Variants in PHF2 observed in about 807,000 individuals in gnomAD.
PHF2 encodes PHD finger protein 2, also known as lysine-specific demethylase PHF2.
PHF2 carries 27 observed loss-of-function variants against 120.5 expected under a neutral mutation model. That is an observed-to-expected ratio of 0.22 (90% confidence interval 0.17 to 0.31). PHF2 has a LOEUF of 0.31. Ranked by LOEUF, PHF2 falls within the 10% of genes least tolerant of loss-of-function variation. The pLI is 1.00. For synonymous variants in PHF2, 568 were observed against 592.5 expected, an observed-to-expected ratio of 0.96 and a Z score of 0.60; for missense variants, 1,024 against 1,434.8, an observed-to-expected ratio of 0.71 and a Z score of 4.63.
chr9:93,587,388 ATGAGGGACGGAGGAGCCCCAGG>A (rs1237341500), intron 1 of PHF2, among the ~76,000 whole-genome samples: 2 of 137,062 alleles, frequency 1.5e-5, no homozygotes, highest in African/African-American at 5.6e-5. Flanking sequence ...GGAGCCTCAG[ATGAGGGACGGAGGAGCCCCAGG>A]TGAGGGACGG....
intron 1 of PHF2, among the ~76,000 whole-genome samples, chr9:93,617,563 G>A (rs1181584089): frequency 1.3e-5 from 2 of 152,134 alleles, no homozygotes; most frequent in Non-Finnish European, 2.9e-5. Context: ...CCCCGCCCCC[G>A]AAGCCTTTCA....
chr9:93,643,479 G>T (rs1826201840), intron 3 of PHF2, among the ~76,000 whole-genome samples: 1 of 152,098 alleles, frequency 6.6e-6, no homozygotes. Context: ...AGTCCCCCCT[G>T]GTTTATCCTT....
intron 4 of PHF2, among the ~76,000 whole-genome samples, chr9:93,647,705 C>G (rs1026401371): frequency 1.3e-5 from 2 of 152,170 alleles, no homozygotes; most frequent in Admixed American, 1.3e-4. Flanking sequence ...GCCTGGCCAA[C>G]ATGGCAAAAC....
At position 93,675,802 on chromosome 9, in the gene PHF2, G is replaced by A. The variant is rs376431558; in HGVS notation, c.2832+13G>A. 3.6e-5 allele frequency: 58 copies of A among 1,597,880 alleles called. No homozygotes were observed. The highest frequency in any genetic ancestry group is 4.4e-5 in the Non-Finnish European group (52 of 1,171,056). On this transcript the variant is annotated intron_variant, in intron 20 of 21. Transcript: ENST00000359246. ...GTTGTCCCAGCAGGTGAGGAGGGGC[G>A]AGAAGGACACACGGCAGCCAGGTCC...
rs973822357 is a variant in PHF2 at position 93,636,411 on chromosome 9, T to G, written c.185T>G (p.Leu62Ter). The change falls in exon 3 of 22, where the codon TTA becomes TGA. Residue 62 changes from leucine to a stop codon, truncating the protein, a stop_gained and splice_region_variant. Transcript: ENST00000359246. LOFTEE classifies it high-confidence loss of function. ...NCEKTHGKSTLKKKRTWHKHG... is the reference protein window; with the variant it reads ...NCEKTHGKST ...ACCTTGCTTCCGGTCTCCTCCACAG[T>G]AAAGAAGAAGCGGACCTGGCACAAA... 6.2e-7 allele frequency: 1 copy of G among 1,603,084 alleles called. No homozygotes were observed. The highest frequency in any genetic ancestry group is 8.5e-7 in the Non-Finnish European group (1 of 1,174,936).
chr9:93,582,746 G>GT (rs1425788785), intron 1 of PHF2, among the ~76,000 whole-genome samples: 5 of 152,190 alleles, frequency 3.3e-5, no homozygotes, highest in Non-Finnish European at 7.3e-5. Flanking sequence ...AATCTTTGTG[G>GT]TATCTGTCCC....
chr9:93,652,290 CTTTTTT>C (rs751282822), intron 5 of PHF2, among the ~76,000 whole-genome samples: 4 of 96,342 alleles, frequency 4.2e-5, no homozygotes, highest in Admixed American at 3.4e-4. Flanking sequence ...TTGAGCTTGA[CTTTTTT>C]TTTTTTTTTT....
At chr9:93,613,288 C>T (rs1825668196) in intron 1 of PHF2, among the ~76,000 whole-genome samples, 1 of 152,220 alleles carries the variant, frequency 6.6e-6, no homozygotes. Flanking sequence ...TCTGTGGCCG[C>T]ATGCAAAGAT....
intron 1 of PHF2, among the ~76,000 whole-genome samples, chr9:93,626,683 A>G (rs1453716157): frequency 6.6e-6 from 1 of 152,190 alleles, no homozygotes; most frequent in East Asian, 1.9e-4. Flanking sequence ...ATTTACTCCT[A>G]TGTTTTCTTC....
intron 1 of PHF2, among the ~76,000 whole-genome samples, chr9:93,621,125 C>T (rs533476701): frequency 4.6e-5 from 7 of 152,212 alleles, no homozygotes; most frequent in African/African-American, 9.6e-5. Context: ...GATGTAGGGT[C>T]GGTGCTAGCA....
intron 2 of PHF2, among the ~76,000 whole-genome samples, chr9:93,631,109 C>T (rs993000036): frequency 3.3e-5 from 5 of 152,082 alleles, no homozygotes; most frequent in African/African-American, 4.8e-5. Context: ...AGGGAGGATG[C>T]GGGCAATAGG....
At chr9:93,625,429 C>T (rs1447930289) in intron 1 of PHF2, among the ~76,000 whole-genome samples, 4 of 142,604 alleles carry the variant, frequency 2.8e-5, no homozygotes, top group African/African-American at 1.0e-4. Context: ...GTGAATAATA[C>T]TGTTAGGAAC....
chr9:93,667,074 C>A lies in PHF2; in HGVS notation c.2188-6C>A, dbSNP rs774989566. On this transcript the variant is annotated splice_region_variant and splice_polypyrimidine_tract_variant and intron_variant, in intron 16 of 21. Coordinates refer to ENST00000359246, the MANE Select transcript of PHF2 (RefSeq NM_005392.4). Reference sequence around the variant, plus strand: ...CCTGACCGAAGCCCTGTCCCTCGCGCAGCAGAGTGATGACTCCTCGGACGA... The same window carrying A: ...CCTGACCGAAGCCCTGTCCCTCGCGAAGCAGAGTGATGACTCCTCGGACGA... 6.2e-7 allele frequency: 1 copy of A among 1,610,686 alleles called. No homozygotes were observed. The highest frequency in any genetic ancestry group is 1.7e-5 in the Admixed American group (1 of 59,396).
intron 17 of PHF2, among the ~76,000 whole-genome samples, chr9:93,673,348 C>T (rs1386301896): frequency 6.6e-6 from 1 of 152,050 alleles, no homozygotes; most frequent in African/African-American, 2.4e-5. Flanking sequence ...TGTCTCCAGG[C>T]CTCCAGCCCT....
At chr9:93,639,811 G>A (rs1264918252) in intron 3 of PHF2, among the ~76,000 whole-genome samples, 1 of 152,208 alleles carries the variant, frequency 6.6e-6, no homozygotes, top group Non-Finnish European at 1.5e-5. Context: ...GCTCTCCCAA[G>A]AAGAAAGCTC....
rs955187398 is a variant in PHF2, at chr9:93,605,312, G to A, written c.99-24658G>A. On this transcript the variant is annotated intron_variant, in intron 1 of 21. Transcript: ENST00000359246. ...AGCTCACTGTAACCTCTAAAGGCTG[G>A]ACTCAAGCAGTCCTCCCACCTCAGT... 5.7e-4 allele frequency among the ~76,000 whole-genome samples: 87 copies of A among 152,136 alleles called. 2 individuals carry two copies. The highest frequency in any genetic ancestry group is 1.6e-4 in the Non-Finnish European group (11 of 68,016).
At chr9:93,668,324 G>A (rs1341624484) in intron 17 of PHF2, among the ~76,000 whole-genome samples, 10 of 152,164 alleles carry the variant, frequency 6.6e-5, no homozygotes, top group Non-Finnish European at 1.2e-4. Flanking sequence ...GTTGAAGCCT[G>A]GCTGTGAGCT....
At chr9:93,670,905 C>G in intron 17 of PHF2, 1 of 792,702 alleles carries the variant, frequency 1.3e-6, no homozygotes, top group Non-Finnish European at 1.5e-6. Context: ...GGGGTGCAGA[C>G]AGGGCAAAGA....
rs575292440 is a variant in PHF2 at position 93,619,325 on chromosome 9, G to A, written c.99-10645G>A. Among the ~76,000 whole-genome samples, 184 of 152,328 alleles carry A rather than the reference G, an allele frequency of 1.2e-3. 3 individuals are homozygous for A. Among genetic ancestry groups the A allele is most frequent in the African/African-American group, 4.1e-3 (169 of 41,582 alleles). On this transcript the variant is annotated intron_variant, in intron 1 of 21. Transcript: ENST00000359246. ...GGAGCCCATCTCTTAGGGACCAGGCGACTTGATCCTCACTGGCCGAGGAGG... is the reference window on the plus strand; with the variant it reads ...GGAGCCCATCTCTTAGGGACCAGGCAACTTGATCCTCACTGGCCGAGGAGG...
Sources: gnomAD v4.1 joint callset for allele counts (sites outside exome capture counted in the v4.1 genomes callset) on GRCh38, gnomAD v4.1.1 for gene constraint, MANE v1.5 for transcripts, NCBI Gene and HGNC (gene_info 2026-07-23, HGNC 2026-07-21) for gene names.